CRADD: variants seen among roughly 807,000 people sequenced by gnomAD.
CRADD encodes CARD and death domain containing adaptor protein, also known as death domain-containing protein CRADD.
A neutral mutation model predicts 15.5 loss-of-function variants in CRADD; 9 were observed. That is an observed-to-expected ratio of 0.58 (90% confidence interval 0.35 to 1.01). The LOEUF is 1.01. CRADD is among the 50% of genes least tolerant of loss of function. The pLI is 0.02. For synonymous variants in CRADD, 118 were observed against 107.6 expected, an observed-to-expected ratio of 1.10 and a Z score of -0.60; for missense variants, 227 against 250.3, an observed-to-expected ratio of 0.91 and a Z score of 0.63.
intron 2 of CRADD, among the ~76,000 whole-genome samples, chr12:93,750,994 A>G (rs1181703955): frequency 6.6e-6 from 1 of 152,224 alleles, no homozygotes; most frequent in Non-Finnish European, 1.5e-5. Flanking sequence ...GGCCAGCCTC[A>G]GGGAATGCTC....
intron 2 of CRADD, among the ~76,000 whole-genome samples, chr12:93,816,385 T>TTTTTTTTC (rs1412096981): frequency 2.0e-5 from 3 of 147,084 alleles, no homozygotes; most frequent in Non-Finnish European, 4.5e-5. Context: ...CCTGGCTAAT[T>TTTTTTTTC]TTTTTTTTTT....
intron 2 of CRADD, among the ~76,000 whole-genome samples, chr12:93,783,901 T>C (rs908230724): frequency 6.6e-6 from 1 of 152,162 alleles, no homozygotes; most frequent in African/African-American, 2.4e-5. Flanking sequence ...CTGGGTGTGC[T>C]GGTGGGCATG....
chr12:93,860,659 G>C (rs1017876593), intron 2 of CRADD, among the ~76,000 whole-genome samples: 1 of 152,164 alleles, frequency 6.6e-6, no homozygotes, highest in East Asian at 1.9e-4. Context: ...TGGGCAGAGG[G>C]AACAGTAAAA....
intron 2 of CRADD, among the ~76,000 whole-genome samples, chr12:93,773,835 T>TTTTTTGG (rs1957112350): frequency 6.8e-6 from 1 of 147,374 alleles, no homozygotes; most frequent in Non-Finnish European, 1.5e-5. Flanking sequence ...TTTTTTTTTT[T>TTTTTTGG]GAGACAGGGT....
chr12:93,738,639 T>G, intron 2 of CRADD: 1 of 549,730 alleles, frequency 1.8e-6, no homozygotes, highest in Admixed American at 3.3e-5. Context: ...CATTGTAACC[T>G]TTGGTTATTC....
chr12:93,704,469 T>A (rs536126740), intron 2 of CRADD, among the ~76,000 whole-genome samples: 2 of 152,174 alleles, frequency 1.3e-5, no homozygotes. Flanking sequence ...TTTCCTTCTT[T>A]GCTGTACCTA....
At chr12:93,892,360 C>A (rs1248629733) in intron 2 of CRADD, among the ~76,000 whole-genome samples, 1 of 152,124 alleles carries the variant, frequency 6.6e-6, no homozygotes, top group Non-Finnish European at 1.5e-5. Flanking sequence ...TTATTTGGTG[C>A]CCCTAAATTT....
intron 2 of CRADD, among the ~76,000 whole-genome samples, chr12:93,765,045 G>A (rs961822650): frequency 3.4e-4 from 52 of 151,880 alleles, no homozygotes; most frequent in African/African-American, 1.2e-3. Flanking sequence ...TTGAGATATG[G>A]CTGAATGGAA....
chr12:93,894,278 G>T (rs908691661), exon 3 of CRADD: 1 of 558,854 alleles, frequency 1.8e-6, no homozygotes, highest in South Asian at 1.9e-5. Context: ...GGGTGGGCGG[G>T]GGGCAGGGGA....
chr12:93,868,321 AT>A (rs1958388016), intron 2 of CRADD, among the ~76,000 whole-genome samples: 3 of 152,178 alleles, frequency 2.0e-5, no homozygotes, highest in Non-Finnish European at 4.4e-5. Context: ...GTCCACTCTT[AT>A]AAGGAGATTC....
chr12:93,890,918 T>C (rs1958571767), intron 2 of CRADD, among the ~76,000 whole-genome samples: 1 of 151,864 alleles, frequency 6.6e-6, no homozygotes, highest in South Asian at 2.1e-4. Flanking sequence ...GACTAATTTT[T>C]TGGTATTCTT....
chr12:93,696,144 G>A (rs1260294354), intron 2 of CRADD, among the ~76,000 whole-genome samples: 3 of 152,198 alleles, frequency 2.0e-5, no homozygotes, highest in Admixed American at 6.5e-5. Flanking sequence ...TGGTGAGAAT[G>A]TGAATCAGTA....
intron 2 of CRADD, among the ~76,000 whole-genome samples, chr12:93,773,061 C>G (rs966409537): frequency 1.3e-5 from 2 of 152,220 alleles, no homozygotes; most frequent in Non-Finnish European, 2.9e-5. Flanking sequence ...TACTTCCCTT[C>G]ACTGAGACTC....
At chr12:93,760,075 C>A (rs1956934127) in intron 2 of CRADD, among the ~76,000 whole-genome samples, 1 of 152,028 alleles carries the variant, frequency 6.6e-6, no homozygotes, top group African/African-American at 2.4e-5. Context: ...TAGCCTGGGT[C>A]CCAAGGTAGA....
chr12:93,850,089 C>T lies in CRADD; in HGVS notation c.418C>T (p.Leu140=). The T allele has an allele frequency of 2.5e-6, 4 of 1,613,850 alleles. No individual in the cohort carries two copies. The highest frequency in any genetic ancestry group is 2.2e-5 in the East Asian group (1 of 44,868). ...EWEPMVLSLG[L]SQTDIYRCKA... ...GGAGCCCATGGTGCTGTCTCTGGGA[C>T]TGTCCCAGACGGATATCTACCGCTG... Residue 140 remains leucine, a synonymous_variant, in exon 3 of 3, where the codon CTG becomes TTG. Transcript: ENST00000332896. This position sits in a 1 kb window ranked among gnomAD's most constrained non-coding sequence, Gnocchi z 4.0.
intron 2 of CRADD, among the ~76,000 whole-genome samples, chr12:93,776,211 A>C (rs183272429): frequency 1.5e-3 from 234 of 152,326 alleles, no homozygotes; most frequent in Non-Finnish European, 2.2e-3. Context: ...GGTCCACTGT[A>C]CTGCTTTTCT....
intron 2 of CRADD, among the ~76,000 whole-genome samples, chr12:93,735,313 T>C (rs1342366179): frequency 2.6e-5 from 4 of 152,218 alleles, no homozygotes; most frequent in African/African-American, 9.7e-5. Context: ...TAAATAAAGA[T>C]AGAGTAACTC....
chr12:93,711,055 C>CCCCCCCCTTTTTTTTTTTTTTTTTTT, intron 2 of CRADD, among the ~76,000 whole-genome samples: 1 of 43,508 alleles, frequency 2.3e-5, no homozygotes, highest in Admixed American at 2.6e-4. Flanking sequence ...CCACCCCCGC[C>CCCCCCCCTTTTTTTTTTTTTTTTTTT]TTTTTTTTTT....
At chr12:93,677,938 C>G (rs927156892) in intron 1 of CRADD, 4 of 152,576 alleles carry the variant, frequency 2.6e-5, no homozygotes, top group African/African-American at 9.6e-5. Flanking sequence ...TTAACCTTCA[C>G]TGCCTTACAC....
Sources: gnomAD v4.1 joint callset for allele counts (sites outside exome capture counted in the v4.1 genomes callset) on GRCh38, gnomAD v4.1.1 for gene constraint, Gnocchi (gnomAD v3.1) non-coding constraint, MANE v1.5 for transcripts, NCBI Gene and HGNC (gene_info 2026-07-23, HGNC 2026-07-21) for gene names.